MFSD8: variants seen among roughly 807,000 people sequenced by gnomAD.
The protein encoded by MFSD8 is major facilitator superfamily domain-containing protein 8.
In MFSD8, 55 loss-of-function variants were observed where a neutral mutation model predicts 66.4. The observed-to-expected ratio is 0.83, with a 90% CI of 0.67 to 1.04. The LOEUF (loss-of-function observed/expected upper bound fraction) is 1.04. MFSD8 is among the 50% of genes least tolerant of loss of function. MFSD8 has a pLI of 0.00. For synonymous variants in MFSD8, 202 were observed against 212.8 expected, an observed-to-expected ratio of 0.95 and a Z score of 0.44; for missense variants, 550 against 627.6, an observed-to-expected ratio of 0.88 and a Z score of 1.32.
At chr4:127,930,922 C>G in intron 8 of MFSD8, 105 bp from the exon 9 acceptor site, 1 of 1,126,822 alleles carries the variant, frequency 8.9e-7, no homozygotes, top group Non-Finnish European at 1.3e-6. Flanking sequence ...CAAGAATGTG[C>G]ATGCCTTTTA....
At chr4:127,958,584 T>C (rs776230227) in intron 1 of MFSD8, among the ~76,000 whole-genome samples, 6 of 152,170 alleles carry the variant, frequency 3.9e-5, no homozygotes, top group African/African-American at 7.2e-5. Context: ...TTTAACACTA[T>C]ATATGTCATT....
At chr4:127,934,601 G>T (rs1279816509) in intron 7 of MFSD8, 1 of 148,946 alleles carries the variant, frequency 6.7e-6, no homozygotes, top group African/African-American at 2.5e-5. Flanking sequence ...TGGCGGGGGG[G>T]ACGGAGTCTT....
chr4:127,947,898 A>ACACACACACTCTCT (rs777137519), intron 3 of MFSD8, among the ~76,000 whole-genome samples: 1 of 146,850 alleles, frequency 6.8e-6, no homozygotes, highest in African/African-American at 2.6e-5. Flanking sequence ...ACACACACAC[A>ACACACACACTCTCT]CTCTCTCTCC....
At chr4:127,947,046 C>T (rs748457667) in intron 3 of MFSD8, among the ~76,000 whole-genome samples, 15 of 151,550 alleles carry the variant, frequency 9.9e-5, no homozygotes, top group South Asian at 6.3e-4. Context: ...TAAAGGGAAA[C>T]GGGAGTATAC....
At chr4:127,965,274 G>A (rs921559677), upstream of MFSD8, 5 of 1,055,320 alleles carry the variant, frequency 4.7e-6, no homozygotes, top group African/African-American at 7.9e-5. Context: ...AACGCCCCGA[G>A]GTCATAGGCG....
At chr4:127,947,879 C>CAT (rs1364680860) in intron 3 of MFSD8, among the ~76,000 whole-genome samples, 1 of 148,664 alleles carries the variant, frequency 6.7e-6, no homozygotes, top group African/African-American at 2.5e-5. Context: ...CACACACACA[C>CAT]ACACACACAC....
intron 9 of MFSD8, among the ~76,000 whole-genome samples, chr4:127,925,277 AAATAAACTATCATCAG>A (rs1349824774): frequency 2.0e-5 from 3 of 152,246 alleles, no homozygotes; most frequent in Non-Finnish European, 4.4e-5. Flanking sequence ...CTGCACAGCA[AAATAAACTATCATCAG>A]AGTGAACAAG....
chr4:127,962,488 A>G (rs1025279763), intron 1 of MFSD8, among the ~76,000 whole-genome samples: 3 of 151,998 alleles, frequency 2.0e-5, no homozygotes, highest in African/African-American at 2.4e-5. Context: ...ATAGCAGTGT[A>G]GAATAAATTG....
At chr4:127,944,485 T>C (rs1047069953) in intron 3 of MFSD8, among the ~76,000 whole-genome samples, 1 of 152,146 alleles carries the variant, frequency 6.6e-6, no homozygotes, top group Non-Finnish European at 1.5e-5. Flanking sequence ...ATTATCTCAA[T>C]AAACCTGTTA....
intron 5 of MFSD8, among the ~76,000 whole-genome samples, chr4:127,940,927 G>A (rs753424258): frequency 6.6e-6 from 1 of 152,028 alleles, no homozygotes; most frequent in Non-Finnish European, 1.5e-5. Flanking sequence ...CTTGTTGAGG[G>A]CTTATTATTG....
chr4:127,947,305 G>A (rs1171622043), intron 3 of MFSD8, among the ~76,000 whole-genome samples: 8 of 152,072 alleles, frequency 5.3e-5, no homozygotes, highest in African/African-American at 1.7e-4. Context: ...CATGTGAATC[G>A]CTTGAACCCA....
In MFSD8 at chr4:127,918,160, A is replaced by C. The variant is rs2148832286; in HGVS notation, c.*2470T>G. 6.6e-6 allele frequency: 1 copy of C among 152,334 alleles called. No homozygotes were observed. The highest frequency in any genetic ancestry group is 2.4e-5 in the African/African-American group (1 of 41,584). 9.4% of individuals were successfully genotyped at this position (152,334 alleles called of 1,614,324 possible). A position where few individuals can be genotyped will look rare whatever the true frequency, so the allele number is the denominator to read the frequency against. On this transcript the variant is annotated 3_prime_UTR_variant, in exon 12 of 12. Coordinates refer to ENST00000641686, the MANE Select transcript of MFSD8 (RefSeq NM_001371596.2). The stretch of plus-strand genomic sequence containing the variant: ...TTTCAAAAACATATTTTCTCTTCTT[A>C]AATATGTACTACTCTTAACAATATA...
chr4:127,927,888 A>T (rs2148864119), intron 9 of MFSD8, among the ~76,000 whole-genome samples: 2 of 151,808 alleles, frequency 1.3e-5, no homozygotes, highest in South Asian at 4.2e-4. Flanking sequence ...AGAAATAGGG[A>T]TCTCATTATA....
chr4:127,944,056 T>C (rs970270725), intron 3 of MFSD8, 64 bp from the exon 4 acceptor site: 2 of 1,601,040 alleles, frequency 1.2e-6, no homozygotes, highest in African/African-American at 1.3e-5. Context: ...CTAAATACAT[T>C]TGTCATACCA....
At chr4:127,923,205 C>T (rs1032693165) in intron 9 of MFSD8, among the ~76,000 whole-genome samples, 3 of 152,072 alleles carry the variant, frequency 2.0e-5, no homozygotes, top group African/African-American at 7.2e-5. Context: ...TGTCTTGTGC[C>T]GGTTTTCAAA....
intron 1 of MFSD8, among the ~76,000 whole-genome samples, chr4:127,963,959 G>A (rs1477004793): frequency 6.6e-6 from 1 of 152,134 alleles, no homozygotes; most frequent in Non-Finnish European, 1.5e-5. Flanking sequence ...GATACAGAGT[G>A]TTGACAGAAA....
Position 127,920,740 on chromosome 4 carries a change from A to G in MFSD8, c.1447T>C (p.Trp483Arg). The change falls in exon 12 of 12, where the codon TGG becomes CGG. Residue 483 changes from tryptophan (W) to arginine (R), a missense_variant. Coordinates refer to ENST00000641686, the MANE Select transcript of MFSD8 (RefSeq NM_001371596.2). ...ATTCCACACACCAGGCTGAATGCCC[A>G]TCGTGGTCCCCAGTGAGCATACACT... ...SQVYAHWGPR[W>R]AFSLVCGIIV... The G allele has an allele frequency of 6.2e-7, 1 of 1,614,112 alleles. No homozygotes were observed. Among genetic ancestry groups the G allele is most frequent in the Non-Finnish European group, 8.5e-7 (1 of 1,180,012 alleles).
At chr4:127,944,749 C>CT (rs1740767725) in intron 3 of MFSD8, among the ~76,000 whole-genome samples, 1 of 152,110 alleles carries the variant, frequency 6.6e-6, no homozygotes, top group Admixed American at 6.5e-5. Flanking sequence ...CAGCCTCGAC[C>CT]TTTGAGGCCC....
At chr4:127,938,120 G>T (rs976048601) in intron 7 of MFSD8, among the ~76,000 whole-genome samples, 2 of 152,124 alleles carry the variant, frequency 1.3e-5, no homozygotes, top group Non-Finnish European at 2.9e-5. Context: ...TCATACTTAA[G>T]ATAATAAAGA....
Sources: allele counts gnomAD v4.1 joint callset (sites outside exome capture counted in the v4.1 genomes callset), GRCh38; gene constraint gnomAD v4.1.1; transcripts MANE v1.5; gene names NCBI Gene and HGNC (gene_info 2026-07-23, HGNC 2026-07-21).